The following IPO5 variants were observed in gnomAD, a reference collection of about 807,000 sequenced individuals.
The protein encoded by IPO5 is importin 5, also known as importin-5.
In IPO5, 18 loss-of-function variants were observed where a neutral mutation model predicts 143.3. The observed-to-expected ratio is 0.13, with a 90% CI of 0.09 to 0.19. IPO5 has a LOEUF of 0.19. Among genes scored for constraint, IPO5 ranks in the 10% least tolerant of loss-of-function variants. The probability of loss-of-function intolerance (pLI) is 1.00; values close to 1 mark genes in which losing one functional copy is unlikely to be tolerated. For missense variants in IPO5, 1,013 were observed against 1,336.9 expected, an observed-to-expected ratio of 0.76 and a Z score of 3.78; for synonymous variants, 477 against 465.7, an observed-to-expected ratio of 1.02 and a Z score of -0.31.
chr13:98,015,836 G>C (rs1890088739), intron 24 of IPO5, 55 bp downstream of exon 24: 1 of 1,110,946 alleles, frequency 9.0e-7, no homozygotes, highest in Non-Finnish European at 1.3e-6. Context: ...TGAAAGACTT[G>C]TAAATGCCTC....
intron 2 of IPO5, 91 bp from the exon 3 acceptor site, chr13:97,969,632 T>C (rs1885656092): frequency 4.4e-6 from 3 of 680,692 alleles, no homozygotes; most frequent in Admixed American, 5.5e-5. Context: ...GATAAGGATT[T>C]ATTCTTCAAA....
In IPO5 at chr13:98,003,054, G is replaced by A. The variant is rs376215768; in HGVS notation, c.1497+17G>A. 6.3e-7 allele frequency: 1 copy of A among 1,580,690 alleles called. No homozygotes were observed. Among genetic ancestry groups the A allele is most frequent in the Middle Eastern group, 1.7e-4 (1 of 5,890 alleles). ...CTTCAAGAGGTAAGTTTTAAGATCT[G>A]TAGGCTGCTTTCTGTTTGTAGATTA... On this transcript the variant is annotated intron_variant, in intron 16 of 28. Coordinates refer to ENST00000651721, the MANE Select transcript of IPO5 (RefSeq NM_002271.6).
At chr13:97,988,025 C>T (rs928685149) in intron 6 of IPO5, 1 of 285,282 alleles carries the variant, frequency 3.5e-6, no homozygotes, top group Non-Finnish European at 7.8e-6. Context: ...TTAATGTCAG[C>T]TTAGCAGCAC....
intron 20 of IPO5, among the ~76,000 whole-genome samples, chr13:98,011,195 A>G (rs1439208748): frequency 2.0e-5 from 3 of 152,218 alleles, no homozygotes; most frequent in African/African-American, 7.2e-5. Flanking sequence ...CTGGAAAGCA[A>G]ATACAAATAA....
At chr13:98,010,892 T>C (rs1254675152) in intron 20 of IPO5, among the ~76,000 whole-genome samples, 2 of 149,058 alleles carry the variant, frequency 1.3e-5, no homozygotes, top group African/African-American at 2.5e-5. Flanking sequence ...TTGATTCTCC[T>C]GCCTCAGCCT....
chr13:98,010,174 G>A lies in IPO5; in HGVS notation c.2005G>A (p.Gly669Ser). 1 of 1,614,052 alleles carries A rather than the reference G, an allele frequency of 6.2e-7. No individual in the cohort carries two copies. The highest frequency in any genetic ancestry group is 8.5e-7 in the Non-Finnish European group (1 of 1,179,950). ...FVNLGDQQSF[G>S]IKTAGLEEKS... ...GAACCTTGGAGATCAGCAAAGCTTTGGTATTAAAACTGCAGGACTAGAAGA... is the reference window on the plus strand; with the variant it reads ...GAACCTTGGAGATCAGCAAAGCTTTAGTATTAAAACTGCAGGACTAGAAGA... The change falls in exon 20 of 29, where the codon GGT becomes AGT. Residue 669 changes from glycine (G) to serine (S), a missense_variant. Coordinates refer to ENST00000651721, the MANE Select transcript of IPO5 (RefSeq NM_002271.6).
chr13:97,972,349 A>G (rs1238813877), intron 3 of IPO5, among the ~76,000 whole-genome samples: 2 of 152,120 alleles, frequency 1.3e-5, no homozygotes, highest in South Asian at 4.2e-4. Context: ...TCCCATCAAC[A>G]TGGGAGCCCA....
In IPO5 at chr13:97,989,264, A is replaced by G. The variant is rs536751883; in HGVS notation, c.467+100A>G. 6.8e-4 allele frequency: 406 copies of G among 594,338 alleles called. 4 individuals carry two copies. In the South Asian group the frequency reaches 0.01, roughly 15 times the overall value. 36.8% of individuals were successfully genotyped at this position (594,338 alleles called of 1,614,324 possible). A position where few individuals can be genotyped will look rare whatever the true frequency, so the allele number is the denominator to read the frequency against. On this transcript the variant is annotated intron_variant, in intron 7 of 28. Coordinates refer to ENST00000651721, the MANE Select transcript of IPO5 (RefSeq NM_002271.6). ...AGCCTAATTTAACCTTATACTTAAAATGATAATAATGCCTTTACATAAGTT... is the reference window on the plus strand; with the variant it reads ...AGCCTAATTTAACCTTATACTTAAAGTGATAATAATGCCTTTACATAAGTT...
chr13:97,953,953 T>C (rs2139446489), intron 1 of IPO5, 166 bp from the exon 2 acceptor site: 1 of 455,808 alleles, frequency 2.2e-6, no homozygotes, highest in Non-Finnish European at 4.4e-6. Context: ...GATTTCATGA[T>C]GGCTCATTGT....
chr13:98,019,608 T>C lies in IPO5; in HGVS notation c.2864T>C (p.Ile955Thr), dbSNP rs377477816. 6 of 1,613,998 alleles carry C rather than the reference T, an allele frequency of 3.7e-6. No individual in the cohort carries two copies. The highest frequency in any genetic ancestry group is 1.7e-5 in the Admixed American group (1 of 60,020). Residue 955 changes from isoleucine to threonine, a missense_variant, in exon 27 of 29, where the codon ATT becomes ACT. Physicochemically the swap from Ile to Thr is moderately conservative, Grantham distance 89 (BLOSUM62 -1). Transcript: ENST00000651721. Reference protein sequence around the residue: ...TEALPLLVRVIQSADSKTKEN... With the variant: ...TEALPLLVRVTQSADSKTKEN... ...GCACTTCCCCTGCTGGTAAGAGTTA[T>C]TCAGTCTGCGGATTCTAAGACCAAA...
At position 98,021,873 on chromosome 13, in the gene IPO5, C is replaced by A; in HGVS notation, c.*51C>A. The A allele has an allele frequency of 1.6e-6, 2 of 1,281,724 alleles. No individual in the cohort carries two copies. Among genetic ancestry groups the A allele is most frequent in the Non-Finnish European group, 2.2e-6 (2 of 892,544 alleles). 79.4% of individuals were successfully genotyped at this position (1,281,724 alleles called of 1,614,324 possible). On this transcript the variant is annotated 3_prime_UTR_variant, in exon 29 of 29. Coordinates refer to ENST00000651721, the MANE Select transcript of IPO5 (RefSeq NM_002271.6). ...AACTAACTCCAAATAAACGCTTACC[C>A]TTTCCTTTAGGTTTCTTTGTTTTGT...
chr13:98,012,801 A>ATTTTTTTTTTTTTTTTTTTTTTT (rs59658983), intron 21 of IPO5, among the ~76,000 whole-genome samples: 5 of 109,180 alleles, frequency 4.6e-5, no homozygotes, highest in African/African-American at 1.0e-4. Context: ...GCTAGATTTG[A>ATTTTTTTTTTTTTTTTTTTTTTT]TTTTTTTTTT....
intron 6 of IPO5, 50 bp downstream of exon 6, chr13:97,985,663 C>CTTT: frequency 1.9e-5 from 18 of 931,268 alleles, no homozygotes; most frequent in East Asian, 5.2e-5. Flanking sequence ...TATATCCTTC[C>CTTT]TTTTTTTTTT....
chr13:97,996,404 A>C (rs1028484903), intron 11 of IPO5, among the ~76,000 whole-genome samples: 4 of 152,150 alleles, frequency 2.6e-5, no homozygotes, highest in African/African-American at 9.7e-5. Context: ...GCTAAGTCTC[A>C]ATAAAAACAA....
chr13:97,991,483 T>C (rs1887801163), intron 9 of IPO5, among the ~76,000 whole-genome samples: 1 of 152,186 alleles, frequency 6.6e-6, no homozygotes, highest in Admixed American at 6.5e-5. Flanking sequence ...AAAGTAGAGG[T>C]TGAGTGTCTC....
intron 6 of IPO5, among the ~76,000 whole-genome samples, chr13:97,988,688 T>A (rs1211564208): frequency 6.6e-6 from 1 of 152,172 alleles, no homozygotes; most frequent in Non-Finnish European, 1.5e-5. Context: ...CTCGGGAGGC[T>A]GAGGCAGGAG....
intron 5 of IPO5, among the ~76,000 whole-genome samples, chr13:97,983,576 T>G (rs17301614): frequency 0.013 from 1,506 of 119,614 alleles, 38 homozygotes; most frequent in East Asian, 0.095. Flanking sequence ...TAAGTTAATA[T>G]CCTCATAAAT....
At chr13:97,956,057 G>A (rs957497911) in intron 2 of IPO5, among the ~76,000 whole-genome samples, 3 of 151,748 alleles carry the variant, frequency 2.0e-5, no homozygotes, top group South Asian at 4.1e-4. Flanking sequence ...GCGTGAACCC[G>A]GGAGGTGGAG....
chr13:97,989,161 T>C lies in IPO5; in HGVS notation c.464T>C (p.Phe155Ser). The part of the protein sequence containing the change: ...VGLREAALHI[F>S]WNFPGIFGNQ... Reference sequence around the variant, plus strand: ...CTGCGGGAAGCTGCCCTTCACATTTTCTGGTATATACATTAATCTAGTTTT... The same window carrying C: ...CTGCGGGAAGCTGCCCTTCACATTTCCTGGTATATACATTAATCTAGTTTT... Residue 155 changes from phenylalanine (F) to serine (S), a missense_variant, in exon 7 of 29, where the codon TTC (phenylalanine) becomes TCC (serine). Phe to Ser is a radical substitution (Grantham distance 155). Transcript: ENST00000651721. 1.3e-6 allele frequency: 2 copies of C among 1,574,502 alleles called. No homozygotes were observed. Among genetic ancestry groups the C allele is most frequent in the Non-Finnish European group, 1.7e-6 (2 of 1,144,030 alleles).
Sources: allele counts gnomAD v4.1 joint callset (sites outside exome capture counted in the v4.1 genomes callset), GRCh38; gene constraint gnomAD v4.1.1; transcripts MANE v1.5; gene names NCBI Gene and HGNC (gene_info 2026-07-23, HGNC 2026-07-21).